The following PLCB1 variants were observed in gnomAD, a reference collection of about 807,000 sequenced individuals.
PLCB1 encodes phospholipase C beta 1.
A neutral mutation model predicts 161.8 loss-of-function variants in PLCB1; 46 were observed. The observed-to-expected ratio is 0.28, with a 90% CI of 0.22 to 0.36. The LOEUF is 0.36. Ranked by LOEUF, PLCB1 falls within the 10% of genes least tolerant of loss-of-function variation. The probability of loss-of-function intolerance (pLI) is 1.00; values close to 1 mark genes in which losing one functional copy is unlikely to be tolerated. For missense variants in PLCB1, 1,016 were observed against 1,472.5 expected, an observed-to-expected ratio of 0.69 and a Z score of 5.07; for synonymous variants, 517 against 503.7, an observed-to-expected ratio of 1.03 and a Z score of -0.35.
At chr20:8,714,622 T>C (rs1979202673) in intron 12 of PLCB1, among the ~76,000 whole-genome samples, 1 of 152,194 alleles carries the variant, frequency 6.6e-6, no homozygotes, top group Non-Finnish European at 1.5e-5. Context: ...TCCCTAATAC[T>C]GCTGAGGAAT....
At chr20:8,539,670 TTC>T (rs1985219778) in intron 3 of PLCB1, among the ~76,000 whole-genome samples, 2 of 96,550 alleles carry the variant, frequency 2.1e-5, no homozygotes, top group African/African-American at 4.2e-5. Context: ...CTTTCTTTCT[TTC>T]TTTCTTTCTT....
chr20:8,780,712 C>T (rs550422246), intron 27 of PLCB1, among the ~76,000 whole-genome samples: 138 of 152,202 alleles, frequency 9.1e-4, no homozygotes, highest in Non-Finnish European at 1.6e-3. Flanking sequence ...TATGAATGGA[C>T]GAGCCCACCA....
At chr20:8,246,971 G>T (rs376913469) in intron 2 of PLCB1, among the ~76,000 whole-genome samples, 52 of 151,970 alleles carry the variant, frequency 3.4e-4, no homozygotes, top group African/African-American at 1.2e-3. Flanking sequence ...ATATTATACT[G>T]TGGTTTTCCA....
intron 2 of PLCB1, among the ~76,000 whole-genome samples, chr20:8,293,747 T>A (rs1042277788): frequency 1.3e-5 from 2 of 152,196 alleles, no homozygotes; most frequent in Non-Finnish European, 2.9e-5. Flanking sequence ...CCCAGAGATC[T>A]GTGTACTATG....
chr20:8,475,772 TAATC>T (rs1982250599), intron 3 of PLCB1, among the ~76,000 whole-genome samples: 1 of 152,206 alleles, frequency 6.6e-6, no homozygotes, highest in Non-Finnish European at 1.5e-5. Context: ...AACAATAGGA[TAATC>T]AATGCAAGGT....
chr20:8,352,535 A>G (rs1986214051), intron 2 of PLCB1, among the ~76,000 whole-genome samples: 1 of 152,142 alleles, frequency 6.6e-6, no homozygotes. Context: ...ATATTCAAAT[A>G]TTAGAAAATT....
At chr20:8,682,539 T>G (rs112288363) in intron 9 of PLCB1, among the ~76,000 whole-genome samples, 9 of 152,340 alleles carry the variant, frequency 5.9e-5, no homozygotes, top group African/African-American at 2.2e-4. Context: ...AGCTATTGAG[T>G]TTCCAGAACT....
intron 2 of PLCB1, among the ~76,000 whole-genome samples, chr20:8,277,456 CTAAGA>C (rs1031320831): frequency 9.9e-5 from 15 of 151,974 alleles, no homozygotes; most frequent in East Asian, 7.7e-4. Flanking sequence ...AAATGCTACT[CTAAGA>C]TATTTCTATA....
intron 2 of PLCB1, among the ~76,000 whole-genome samples, chr20:8,170,782 T>A (rs1355014261): frequency 6.6e-6 from 1 of 152,174 alleles, no homozygotes; most frequent in African/African-American, 2.4e-5. Flanking sequence ...GAAACAGCCA[T>A]AATTGTAGGC....
chr20:8,222,296 C>G (rs1336340903), intron 2 of PLCB1, among the ~76,000 whole-genome samples: 2 of 152,092 alleles, frequency 1.3e-5, no homozygotes, highest in African/African-American at 4.8e-5. Context: ...GAAAAGTTCT[C>G]TTTATTTTAT....
At chr20:8,435,363 G>A (rs1001675471) in intron 3 of PLCB1, among the ~76,000 whole-genome samples, 8 of 152,108 alleles carry the variant, frequency 5.3e-5, no homozygotes, top group Non-Finnish European at 1.0e-4. Flanking sequence ...AAAGGTGAAG[G>A]GATTTTGCAG....
At chr20:8,832,859 A>G (rs947166226) in intron 31 of PLCB1, among the ~76,000 whole-genome samples, 7 of 152,218 alleles carry the variant, frequency 4.6e-5, no homozygotes, top group Non-Finnish European at 1.0e-4. Context: ...TGTCTTGATT[A>G]CAAAGGCCCA....
At chr20:8,787,077 G>T (rs1193031011) in intron 27 of PLCB1, among the ~76,000 whole-genome samples, 2 of 152,204 alleles carry the variant, frequency 1.3e-5, no homozygotes, top group Admixed American at 1.3e-4. Flanking sequence ...CCTATCCTTA[G>T]TTCAGCTAAA....
At chr20:8,726,830 G>T (rs1178245330) in intron 16 of PLCB1, among the ~76,000 whole-genome samples, 1 of 152,044 alleles carries the variant, frequency 6.6e-6, no homozygotes, top group Non-Finnish European at 1.5e-5. Context: ...TGTCATATTA[G>T]TTATTTGAAC....
intron 31 of PLCB1, among the ~76,000 whole-genome samples, chr20:8,837,365 G>C (rs1986328480): frequency 1.3e-5 from 2 of 152,172 alleles, no homozygotes; most frequent in African/African-American, 2.4e-5. Flanking sequence ...TAATAGAAAA[G>C]TTTGGAAAAC....
chr20:8,391,639 G>A (rs1241125914), intron 3 of PLCB1, among the ~76,000 whole-genome samples: 1 of 151,724 alleles, frequency 6.6e-6, no homozygotes, highest in Non-Finnish European at 1.5e-5. Context: ...TGTCTTGCTA[G>A]TTGGATTTTA....
chr20:8,629,287 A>G (rs1002664980), intron 4 of PLCB1, among the ~76,000 whole-genome samples: 1 of 152,212 alleles, frequency 6.6e-6, no homozygotes, highest in Non-Finnish European at 1.5e-5. Flanking sequence ...TATTTATTCA[A>G]TTACGGATTA....
At chr20:8,766,341 C>G (rs1982313882) in intron 26 of PLCB1, among the ~76,000 whole-genome samples, 1 of 152,086 alleles carries the variant, frequency 6.6e-6, no homozygotes, top group African/African-American at 2.4e-5. Flanking sequence ...ATAGGAGATC[C>G]CTTCTGACAT....
chr20:8,694,396 TGGACA>T (rs1164899471), intron 10 of PLCB1, among the ~76,000 whole-genome samples: 1 of 152,204 alleles, frequency 6.6e-6, no homozygotes, highest in Non-Finnish European at 1.5e-5. Flanking sequence ...TGGTCTTAGG[TGGACA>T]ATAAACTCTT....
Sources: allele counts gnomAD v4.1 joint callset (sites outside exome capture counted in the v4.1 genomes callset), GRCh38; gene constraint gnomAD v4.1.1; transcripts MANE v1.5; gene names NCBI Gene and HGNC (gene_info 2026-07-23, HGNC 2026-07-21).